Variants in COG5 observed in about 807,000 individuals in gnomAD.
COG5 encodes the protein conserved oligomeric Golgi complex subunit 5.
In COG5, 86 loss-of-function variants were observed where a neutral mutation model predicts 110.4. The ratio of observed to expected loss-of-function variants is 0.78; its 90% confidence interval spans 0.65 to 0.93. The LOEUF (loss-of-function observed/expected upper bound fraction) is 0.93. COG5 is among the 40% of genes least tolerant of loss of function. The pLI is 0.00. For missense variants in COG5, 1,077 were observed against 987.0 expected (o/e 1.09, Z -1.22); for synonymous variants, 360 against 334.6 (o/e 1.08, Z -0.83).
In COG5 at chr7:107,290,788, C is replaced by T. The variant is rs571866524; in HGVS notation, c.1314-7056G>A. Reference sequence around the variant, plus strand: ...TCAGCTGTTAATGTTATTGGGACTCCCTTGTAAGTGAAGTATAGTTGTATT... The same window carrying T: ...TCAGCTGTTAATGTTATTGGGACTCTCTTGTAAGTGAAGTATAGTTGTATT... On this transcript the variant is annotated intron_variant, in intron 12 of 21. Transcript: ENST00000297135. Among the ~76,000 whole-genome samples the T allele has an allele frequency of 2.6e-5, 4 of 152,084 alleles. No homozygotes were observed. The East Asian group carries it at 7.8e-4, about 29-fold the overall frequency.
chr7:107,263,859 C>G (rs1803578179), intron 14 of COG5, among the ~76,000 whole-genome samples: 1 of 152,048 alleles, frequency 6.6e-6, no homozygotes, highest in Admixed American at 6.6e-5. Flanking sequence ...AACTGTTAAT[C>G]TGCAGATGAA....
intron 10 of COG5, among the ~76,000 whole-genome samples, chr7:107,331,016 T>C (rs930996195): frequency 1.6e-4 from 25 of 152,188 alleles, no homozygotes; most frequent in Admixed American, 4.6e-4. Flanking sequence ...GAAAAAGTGT[T>C]TTCTATCCTC....
chr7:107,379,840 T>G (rs1814956510), intron 7 of COG5, among the ~76,000 whole-genome samples: 1 of 152,124 alleles, frequency 6.6e-6, no homozygotes, highest in Non-Finnish European at 1.5e-5. Flanking sequence ...TGGGAGACTT[T>G]AATGCCCCAC....
At chr7:107,344,278 T>C (rs1037230466) in intron 10 of COG5, among the ~76,000 whole-genome samples, 1 of 152,230 alleles carries the variant, frequency 6.6e-6, no homozygotes, top group Admixed American at 6.5e-5. Flanking sequence ...ACATTAGCAC[T>C]TGCTGCTTCA....
rs1302920434 is a variant in COG5 at position 107,511,863 on chromosome 7, T to C, written c.538+15374A>G. Among the ~76,000 whole-genome samples, 10 of 152,270 alleles carry C rather than the reference T, an allele frequency of 6.6e-5. 3 individuals carry two copies. The highest frequency in any genetic ancestry group is 2.4e-4 in the African/African-American group (10 of 41,566). On this transcript the variant is annotated intron_variant, in intron 6 of 21. Transcript: ENST00000297135. ...TTCAACAACACTTCATGCTAAAAAC[T>C]CTCAATAAATTAGGTATTGATGGGA... is the stretch of plus-strand genomic sequence containing the variant.
intron 6 of COG5, among the ~76,000 whole-genome samples, chr7:107,440,459 G>A (rs1794640325): frequency 6.6e-6 from 1 of 151,816 alleles, no homozygotes. Context: ...CCCAAATATT[G>A]TATCAGGTTC....
intron 21 of COG5, among the ~76,000 whole-genome samples, chr7:107,206,850 C>T (rs956571814): frequency 5.9e-5 from 9 of 152,256 alleles, no homozygotes; most frequent in East Asian, 1.9e-4. Flanking sequence ...GCAAGATTTT[C>T]GAGTACTTAT....
At chr7:107,558,434 A>T (rs1046447014) in intron 1 of COG5, among the ~76,000 whole-genome samples, 12 of 151,726 alleles carry the variant, frequency 7.9e-5, no homozygotes, top group Non-Finnish European at 1.3e-4. Flanking sequence ...CTCAAACCCC[A>T]TCTCTACAAA....
chr7:107,326,710 G>T (rs1240739779), intron 10 of COG5, among the ~76,000 whole-genome samples: 2 of 152,192 alleles, frequency 1.3e-5, no homozygotes, highest in Non-Finnish European at 2.9e-5. Flanking sequence ...ATGTTAAAAT[G>T]TCCATACTCC....
intron 7 of COG5, among the ~76,000 whole-genome samples, chr7:107,377,227 T>A (rs1460048214): frequency 6.6e-6 from 1 of 152,142 alleles, no homozygotes; most frequent in Non-Finnish European, 1.5e-5. Flanking sequence ...AAGGTTTTTT[T>A]AATAATAAAT....
intron 6 of COG5, among the ~76,000 whole-genome samples, chr7:107,447,296 T>C (rs1293982687): frequency 2.0e-5 from 3 of 152,208 alleles, no homozygotes; most frequent in African/African-American, 4.8e-5. Context: ...TAAGGTCTCA[T>C]GTATTACTTA....
At chr7:107,262,833 G>A (rs1300119048) in intron 14 of COG5, among the ~76,000 whole-genome samples, 2 of 152,210 alleles carry the variant, frequency 1.3e-5, no homozygotes, top group Non-Finnish European at 1.5e-5. Context: ...TGCTAGCTGA[G>A]TGACTTGTAG....
At chr7:107,378,397 G>A (rs746232033) in intron 7 of COG5, among the ~76,000 whole-genome samples, 5 of 152,062 alleles carry the variant, frequency 3.3e-5, no homozygotes, top group Admixed American at 2.6e-4. Flanking sequence ...CGCCAGCAAC[G>A]AAACAAAACT....
chr7:107,202,310 T>TGGTC lies in COG5; in HGVS notation c.*1205_*1206insGACC. 1.3e-5 allele frequency: 2 copies of TGGTC among 152,646 alleles called. No individual in the cohort carries two copies. Among genetic ancestry groups the TGGTC allele is most frequent in the Non-Finnish European group, 2.9e-5 (2 of 68,048 alleles). 9.5% of individuals were successfully genotyped at this position (152,646 alleles called of 1,614,324 possible). ...GCACTTTAATTTTCCTCCAACTGTC[T>TGGTC]AAAATTAGAGCAAATACATTGGCAA... On this transcript the variant is annotated 3_prime_UTR_variant, in exon 22 of 22. Coordinates refer to ENST00000297135, the MANE Select transcript of COG5 (RefSeq NM_006348.5).
Position 107,474,469 on chromosome 7 carries a change from A to G in COG5, c.538+52768T>C. ...AACAGCAATCAACGTTTTTGCTATC[A>G]CTTTGGACAGATATGACATCTCTGT... On this transcript the variant is annotated intron_variant, in intron 6 of 21. Coordinates refer to ENST00000297135, the MANE Select transcript of COG5 (RefSeq NM_006348.5). This position sits in a 1 kb window ranked among gnomAD's most constrained non-coding sequence, Gnocchi z 5.7. The G allele has an allele frequency of 6.2e-7, 1 of 1,613,388 alleles. No homozygotes were observed. Among genetic ancestry groups the G allele is most frequent in the Non-Finnish European group, 8.5e-7 (1 of 1,179,594 alleles).
At chr7:107,326,254 G>A (rs1809758276) in intron 10 of COG5, among the ~76,000 whole-genome samples, 1 of 152,128 alleles carries the variant, frequency 6.6e-6, no homozygotes, top group South Asian at 2.1e-4. Flanking sequence ...ACAAGGCCAG[G>A]ATGCCCACTC....
chr7:107,450,529 G>C (rs1220620015), intron 6 of COG5, among the ~76,000 whole-genome samples: 2 of 152,200 alleles, frequency 1.3e-5, no homozygotes, highest in Non-Finnish European at 2.9e-5. Context: ...ATATATGCCT[G>C]AACAGGTTTT....
intron 6 of COG5, chr7:107,475,296 A>G: frequency 6.3e-7 from 1 of 1,593,062 alleles, no homozygotes. Context: ...AAAGAAACAA[A>G]AAAATTACCT....
intron 11 of COG5, among the ~76,000 whole-genome samples, chr7:107,306,463 T>C (rs1807724824): frequency 6.6e-6 from 1 of 152,166 alleles, no homozygotes; most frequent in Non-Finnish European, 1.5e-5. Flanking sequence ...AAACAGACCT[T>C]TGTAAAACTC....
Sources: allele counts gnomAD v4.1 joint callset (sites outside exome capture counted in the v4.1 genomes callset), GRCh38; gene constraint gnomAD v4.1.1; non-coding constraint Gnocchi (gnomAD v3.1); transcripts MANE v1.5; gene names NCBI Gene and HGNC (gene_info 2026-07-23, HGNC 2026-07-21).